The following ZFHX3 variants were observed in gnomAD, a reference collection of about 807,000 sequenced individuals.
ZFHX3 encodes zinc finger homeobox protein 3.
A neutral mutation model predicts 279.1 loss-of-function variants in ZFHX3; 42 were observed. That is an observed-to-expected ratio of 0.15 (90% confidence interval 0.12 to 0.19). The LOEUF (loss-of-function observed/expected upper bound fraction) is 0.19, where lower values mean the gene tolerates loss of function less well. ZFHX3 is among the 10% of genes least tolerant of loss of function. The pLI, the probability that ZFHX3 is intolerant of heterozygous loss-of-function variation, is 1.00. For synonymous variants in ZFHX3, 2,293 were observed against 1,957.8 expected (o/e 1.17, Z -4.52); for missense variants, 4,981 against 4,754.0 (o/e 1.05, Z -1.40).
At chr16:73,338,355 C>T (rs549637925) in intron 3 of ZFHX3, among the ~76,000 whole-genome samples, 91 of 152,188 alleles carry the variant, frequency 6.0e-4, no homozygotes, top group African/African-American at 2.0e-3. Context: ...CTTCCCCAAC[C>T]GGGAGGCTGG....
intron 1 of ZFHX3, among the ~76,000 whole-genome samples, chr16:73,771,789 A>G (rs1224353349): frequency 6.7e-6 from 1 of 148,316 alleles, no homozygotes; most frequent in Admixed American, 6.6e-5. Context: ...AATGGCTACA[A>G]TATTTTTTCT....
chr16:72,860,378 C>T (rs747134096), intron 4 of ZFHX3, among the ~76,000 whole-genome samples: 10 of 152,290 alleles, frequency 6.6e-5, no homozygotes, highest in Non-Finnish European at 1.2e-4. Flanking sequence ...TTCCTTTCAG[C>T]GTTTAACAAA....
chr16:73,623,065 C>T (rs2052380276), intron 2 of ZFHX3, among the ~76,000 whole-genome samples: 1 of 150,286 alleles, frequency 6.7e-6, no homozygotes, highest in Non-Finnish European at 1.5e-5. Flanking sequence ...TAGACAGAGT[C>T]TGGCTCTTTC....
chr16:73,065,281 G>C (rs1351589304), intron 8 of ZFHX3, among the ~76,000 whole-genome samples: 1 of 152,180 alleles, frequency 6.6e-6, no homozygotes, highest in Non-Finnish European at 1.5e-5. Context: ...ATAACGGAGG[G>C]ATGCGCGGCT....
At chr16:73,762,808 A>C (rs2053885491) in intron 1 of ZFHX3, among the ~76,000 whole-genome samples, 1 of 152,142 alleles carries the variant, frequency 6.6e-6, no homozygotes, top group Admixed American at 6.5e-5. Flanking sequence ...GGGGAATGAC[A>C]CAGATTGGGG....
chr16:73,242,048 G>T (rs2013140406), intron 5 of ZFHX3, among the ~76,000 whole-genome samples: 1 of 152,164 alleles, frequency 6.6e-6, no homozygotes. Flanking sequence ...CCAGCAGAAA[G>T]TTGGTAATCA....
At chr16:73,648,609 A>C (rs1040998825) in intron 2 of ZFHX3, among the ~76,000 whole-genome samples, 2 of 152,048 alleles carry the variant, frequency 1.3e-5, no homozygotes, top group Non-Finnish European at 2.9e-5. Flanking sequence ...ACTGGATTTC[A>C]CCACGTTGGC....
At chr16:73,275,194 T>A (rs2014261551) in intron 4 of ZFHX3, among the ~76,000 whole-genome samples, 1 of 152,192 alleles carries the variant, frequency 6.6e-6, no homozygotes, top group East Asian at 1.9e-4. Context: ...TGTGTTCCAT[T>A]TCTGGCCCAT....
At chr16:72,879,351 C>T (rs2038401009) in intron 4 of ZFHX3, among the ~76,000 whole-genome samples, 1 of 152,198 alleles carries the variant, frequency 6.6e-6, no homozygotes, top group Non-Finnish European at 1.5e-5. Flanking sequence ...CCAACCAGAG[C>T]ACAAACACCA....
chr16:73,164,958 T>C (rs1308525445), intron 5 of ZFHX3, among the ~76,000 whole-genome samples: 1 of 152,206 alleles, frequency 6.6e-6, no homozygotes, highest in Non-Finnish European at 1.5e-5. Context: ...AGAACTTGCA[T>C]CCTTATTTAC....
chr16:73,887,988 T>C (rs2030404574), intron 1 of ZFHX3, among the ~76,000 whole-genome samples: 1 of 152,144 alleles, frequency 6.6e-6, no homozygotes, highest in African/African-American at 2.4e-5. Flanking sequence ...GGTTTATTAT[T>C]CACAAGTAAC....
At chr16:73,500,180 C>T (rs2019209733) in intron 2 of ZFHX3, 1 of 152,290 alleles carries the variant, frequency 6.6e-6, no homozygotes, top group South Asian at 2.1e-4. Flanking sequence ...GAGATGACAG[C>T]TCCATGCGTG....
intron 2 of ZFHX3, among the ~76,000 whole-genome samples, chr16:73,580,937 A>G (rs955490330): frequency 4.0e-5 from 6 of 151,800 alleles, no homozygotes; most frequent in Non-Finnish European, 7.3e-5. Context: ...ATTTCTTGCC[A>G]CAGGCTGAAC....
At chr16:73,306,064 G>A (rs1358538799) in intron 4 of ZFHX3, among the ~76,000 whole-genome samples, 1 of 152,166 alleles carries the variant, frequency 6.6e-6, no homozygotes, top group African/African-American at 2.4e-5. Context: ...ACGCTGACGC[G>A]ACCTGTGGAC....
chr16:73,563,446 A>G (rs2020405825), intron 2 of ZFHX3, among the ~76,000 whole-genome samples: 2 of 151,806 alleles, frequency 1.3e-5, no homozygotes, highest in Admixed American at 6.6e-5. Flanking sequence ...TTTAGCAGAG[A>G]CGGGGTTTCA....
intron 7 of ZFHX3, among the ~76,000 whole-genome samples, chr16:73,124,278 C>T (rs758442636): frequency 4.6e-5 from 7 of 152,146 alleles, no homozygotes; most frequent in South Asian, 2.1e-4. Flanking sequence ...ATCTGCTGTC[C>T]GGTGAGGGCC....
intron 2 of ZFHX3, among the ~76,000 whole-genome samples, chr16:73,655,530 G>A (rs1293658101): frequency 6.6e-6 from 1 of 152,126 alleles, no homozygotes; most frequent in African/African-American, 2.4e-5. Flanking sequence ...TTACATTAAC[G>A]TCAAAAGGGT....
intron 8 of ZFHX3, chr16:73,093,179 C>T (rs373960908): frequency 3.8e-5 from 20 of 519,886 alleles, no homozygotes; most frequent in South Asian, 8.4e-5. Context: ...CAGAGGTTTT[C>T]GGGAAACTCT....
intron 5 of ZFHX3, among the ~76,000 whole-genome samples, chr16:73,239,296 C>T (rs562341963): frequency 3.9e-4 from 60 of 152,234 alleles, no homozygotes; most frequent in African/African-American, 1.3e-3. Context: ...TTCTTTCAGG[C>T]GAGAGACAAG....
Sources: allele counts gnomAD v4.1 joint callset (sites outside exome capture counted in the v4.1 genomes callset), GRCh38; gene constraint gnomAD v4.1.1; transcripts MANE v1.5; gene names NCBI Gene and HGNC (gene_info 2026-07-23, HGNC 2026-07-21).